The following RPS5 variants were observed in gnomAD, a reference collection of about 807,000 sequenced individuals.
RPS5 encodes small ribosomal subunit protein uS7.
RPS5 carries 2 observed loss-of-function variants against 20.9 expected under a neutral mutation model. The observed-to-expected ratio is 0.10, with a 90% CI of 0.04 to 0.30. The LOEUF is 0.30. RPS5 is among the 10% of genes least tolerant of loss of function. The pLI, the probability that RPS5 is intolerant of heterozygous loss-of-function variation, is 1.00. For synonymous variants in RPS5, 112 were observed against 105.8 expected (o/e 1.06, Z -0.36); for missense variants, 122 against 287.2 (o/e 0.42, Z 4.16).
At chr19:58,392,333 A>G (rs556333156) in intron 2 of RPS5, among the ~76,000 whole-genome samples, 3,466 of 137,810 alleles carry the variant, frequency 0.025, 55 homozygotes, top group East Asian at 0.04. Flanking sequence ...AGGGGGGGAA[A>G]AAAAAAACTA....
At chr19:58,387,935 T>C (rs1418643025) in intron 1 of RPS5, 2 of 580,604 alleles carry the variant, frequency 3.4e-6, no homozygotes, top group Non-Finnish European at 6.2e-6. Flanking sequence ...GCCCAGGGGT[T>C]CTAGGTGAAA....
At chr19:58,392,632 C>A (rs1038849894) in intron 2 of RPS5, among the ~76,000 whole-genome samples, 10 of 148,628 alleles carry the variant, frequency 6.7e-5, no homozygotes, top group East Asian at 1.9e-4. Flanking sequence ...AAAAAAAAAA[C>A]TGAAGGGGTT....
intron 4 of RPS5, 130 bp from the exon 5 acceptor site, chr19:58,394,367 T>C (rs976642996): frequency 1.4e-6 from 1 of 704,794 alleles, no homozygotes; most frequent in Non-Finnish European, 2.5e-6. Context: ...AAATCAGGCA[T>C]GATGCCACCA....
At position 58,393,062 on chromosome 19, in the gene RPS5, G is replaced by C; in HGVS notation, c.195G>C (p.Gln65His). 6.2e-7 allele frequency: 1 copy of C among 1,614,208 alleles called. No individual in the cohort carries two copies. The highest frequency in any genetic ancestry group is 8.5e-7 in the Non-Finnish European group (1 of 1,180,032). The change falls in exon 3 of 6, where the codon CAG (glutamine) becomes CAC (histidine). Residue 65 changes from glutamine (Q) to histidine (H), a missense_variant. Gln to His is a conservative substitution (Grantham distance 24). Transcript: ENST00000196551. ...RYAAKRFRKA[Q>H]CPIVERLTNS... The stretch of plus-strand genomic sequence containing the variant: ...CCGCCAAACGCTTCCGCAAAGCTCA[G>C]TGTCCCATTGTGGAGCGCCTCACTA...
At chr19:58,388,041 C>T (rs1449156286) in intron 1 of RPS5, 96 bp from the exon 2 acceptor site, 2 of 790,458 alleles carry the variant, frequency 2.5e-6, no homozygotes, top group Non-Finnish European at 4.3e-6. Flanking sequence ...CAGTTCATCA[C>T]TAGATGGCGG....
At chr19:58,394,225 C>G (rs1177596233) in intron 4 of RPS5, 4 of 438,902 alleles carry the variant, frequency 9.1e-6, no homozygotes, top group Middle Eastern at 6.4e-4. Context: ...GTTACAGGCG[C>G]AAGCCACCGT....
rs61279930 is a variant in RPS5 at position 58,390,426 on chromosome 19, C to CTTT, written c.108+2208_108+2210dup. On this transcript the variant is annotated intron_variant, in intron 2 of 5. Coordinates refer to ENST00000196551, the MANE Select transcript of RPS5 (RefSeq NM_001009.4). ...TTGTGGGCCACACTGGCCACTGTTA[C>CTTT]TTTTTTTTTTTTTTTTTTTTTTTTT... 6.3e-5 allele frequency among the ~76,000 whole-genome samples: 3 copies of CTTT among 47,662 alleles called. 1 individual carries two copies. The highest frequency in any genetic ancestry group is 2.1e-4 in the African/African-American group (3 of 14,600). The allele number at this position is 47,662 out of a possible 152,430, so 31.3% of individuals were successfully genotyped here.
In RPS5 at chr19:58,393,707, G is replaced by A. The variant is rs529411233; in HGVS notation, c.447+220G>A. The A allele has an allele frequency of 7.0e-6, 4 of 567,710 alleles. No homozygotes were observed. The South Asian group carries it at 9.4e-5, about 13-fold the overall frequency. 35.2% of individuals were successfully genotyped at this position (567,710 alleles called of 1,614,324 possible). Reference sequence around the variant, plus strand: ...CAGAGGTCTTCTTTCTTTCCTTTGGGTGTATATTTTTACACTGTGTGTATA... The same window carrying A: ...CAGAGGTCTTCTTTCTTTCCTTTGGATGTATATTTTTACACTGTGTGTATA... On this transcript the variant is annotated intron_variant, in intron 4 of 5. Coordinates refer to ENST00000196551, the MANE Select transcript of RPS5 (RefSeq NM_001009.4).
In RPS5 at chr19:58,392,934, C is replaced by T. The variant is rs140308068; in HGVS notation, c.109-42C>T. The T allele has an allele frequency of 3.8e-6, 6 of 1,596,220 alleles. No homozygotes were observed. In the East Asian group the frequency reaches 9.0e-5, roughly 24 times the overall value. On this transcript the variant is annotated intron_variant, in intron 2 of 5. Coordinates refer to ENST00000196551, the MANE Select transcript of RPS5 (RefSeq NM_001009.4). ...GTGTCTGGCCAACGCCCATGCTGCT[C>T]CTGACCATTTTCCCTTCATTTCCTG...
intron 4 of RPS5, 127 bp downstream of exon 4, chr19:58,393,614 C>A: frequency 3.9e-6 from 5 of 1,268,372 alleles, no homozygotes; most frequent in Non-Finnish European, 5.3e-6. Context: ...CTCTAGGAAG[C>A]CTTCCTGGAT....
Position 58,388,388 on chromosome 19 carries a change from A to G in RPS5, c.108+143A>G, listed in dbSNP as rs1048782917. On this transcript the variant is annotated intron_variant, in intron 2 of 5. Transcript: ENST00000196551. ...AAGGGATCCCTTGACCACCACATCT[A>G]CCACATCTGCTCTTACGTCCTGTTC... The G allele has an allele frequency of 6.5e-5, 42 of 649,596 alleles. No homozygotes were observed. The Admixed American group carries it at 8.0e-4, about 12-fold the overall frequency. The allele number at this position is 649,596 out of a possible 1,614,324, so 40.2% of individuals were successfully genotyped here. A position where few individuals can be genotyped will look rare whatever the true frequency, so the allele number is the denominator to read the frequency against.
chr19:58,387,362 G>A (rs915788753), intron 1 of RPS5, 23 bp downstream of exon 1: 25 of 152,416 alleles, frequency 1.6e-4, no homozygotes, highest in African/African-American at 6.0e-4. Flanking sequence ...CGGGGCCGGG[G>A]ATCCTAGGGA....
chr19:58,394,621 G>C (rs1365078600), intron 5 of RPS5, 26 bp downstream of exon 5: 3 of 1,613,626 alleles, frequency 1.9e-6, no homozygotes, highest in Middle Eastern at 1.7e-4. Flanking sequence ...CCGGTTGGGG[G>C]GTCTTAAGTT....
chr19:58,392,900 TCTC>T, intron 2 of RPS5, 73 bp from the exon 3 acceptor site: 1 of 1,391,426 alleles, frequency 7.2e-7, no homozygotes, highest in Non-Finnish European at 1.0e-6. Context: ...GTACTTGATC[TCTC>T]CTCTGGTGTC....
In RPS5 at chr19:58,387,325, A is replaced by G. The variant is rs2052331598; in HGVS notation, c.-16A>G. 1.3e-5 allele frequency: 2 copies of G among 152,294 alleles called. No homozygotes were observed. Among genetic ancestry groups the G allele is most frequent in the African/African-American group, 4.8e-5 (2 of 41,480 alleles). The allele number at this position is 152,294 out of a possible 1,614,324, so 9.4% of individuals were successfully genotyped here. ...TCTACGCCGAGTGACAGAGACGCTC[A>G]GGCTGTGTTCTCAGGTGAGACCGCC... is the stretch of plus-strand genomic sequence containing the variant. On this transcript the variant is annotated 5_prime_UTR_variant, in exon 1 of 6. Coordinates refer to ENST00000196551, the MANE Select transcript of RPS5 (RefSeq NM_001009.4).
intron 4 of RPS5, 133 bp downstream of exon 4, chr19:58,393,620 T>TAGA: frequency 3.3e-6 from 4 of 1,202,630 alleles, no homozygotes; most frequent in Non-Finnish European, 4.5e-6. Context: ...GAAGCCTTCC[T>TAGA]GGATTCCCAC....
chr19:58,392,875 G>T, intron 2 of RPS5, 101 bp from the exon 3 acceptor site: 2 of 1,080,970 alleles, frequency 1.9e-6, no homozygotes, highest in African/African-American at 1.6e-5. Context: ...ACAGCTGTTG[G>T]ACTACCCCGA....
chr19:58,388,635 A>AGTTTT, intron 2 of RPS5: 1 of 200,636 alleles, frequency 5.0e-6, no homozygotes, highest in Non-Finnish European at 9.0e-6. Flanking sequence ...AGCTGGCCGT[A>AGTTTT]GTTTTTTTTT....
intron 2 of RPS5, among the ~76,000 whole-genome samples, chr19:58,389,622 T>G (rs980573628): frequency 5.3e-5 from 8 of 152,032 alleles, no homozygotes; most frequent in African/African-American, 1.9e-4. Flanking sequence ...TATTATTATT[T>G]TTTGTTTGTT....
Sources: allele counts gnomAD v4.1 joint callset (sites outside exome capture counted in the v4.1 genomes callset), GRCh38; gene constraint gnomAD v4.1.1; transcripts MANE v1.5; gene names NCBI Gene and HGNC (gene_info 2026-07-23, HGNC 2026-07-21).